Variants in MINK1 observed in about 807,000 individuals in gnomAD.
MINK1 encodes the protein misshapen like kinase 1.
Under a neutral mutation model 178.4 loss-of-function variants are expected in MINK1, and 46 were observed. The ratio of observed to expected loss-of-function variants is 0.26; its 90% CI spans 0.20 to 0.33. MINK1 has a LOEUF of 0.33. Among genes scored for constraint, MINK1 ranks in the 10% least tolerant of loss-of-function variants. MINK1 has a pLI of 1.00. For missense variants in MINK1, 1,366 were observed against 1,814.9 expected (o/e 0.75, Z 4.49); for synonymous variants, 797 against 709.7 (o/e 1.12, Z -1.96).
At position 4,891,063 on chromosome 17, in the gene MINK1, G is replaced by C. The variant is rs990605223; in HGVS notation, c.1679G>C (p.Gly560Ala). ...CCCCAGGCCTCCCCAGGGCCCCCAG[G>C]ACCCCTTTCCCAGACTCCTCCTATG... ...PIPQASPGPP[G>A]PLSQTPPMQR... The change falls in exon 15 of 32, where the codon GGA (glycine) becomes GCA (alanine). Residue 560 changes from glycine (G) to alanine (A), a missense_variant. Physicochemically the swap from Gly to Ala is moderately conservative, Grantham distance 60 (BLOSUM62 0). Coordinates refer to ENST00000355280, the MANE Select transcript of MINK1 (RefSeq NM_153827.5). The C allele has an allele frequency of 1.9e-6, 3 of 1,553,968 alleles. No homozygotes were observed. The African/African-American group carries it at 4.1e-5, about 21-fold the overall frequency.
chr17:4,896,969 G>C lies in MINK1; in HGVS notation c.3915+156G>C, dbSNP rs149374110. 6 of 1,099,324 alleles carry C rather than the reference G, an allele frequency of 5.5e-6. No homozygotes were observed. Among genetic ancestry groups the C allele is most frequent in the African/African-American group, 1.6e-5 (1 of 62,714 alleles). The allele number at this position is 1,099,324 out of a possible 1,614,324, so 68.1% of individuals were successfully genotyped here. A position where few individuals can be genotyped will look rare whatever the true frequency, so the allele number is the denominator to read the frequency against. The stretch of plus-strand genomic sequence containing the variant: ...CAGTCAGCCACTACCACTGCCCTGC[G>C]CTCCCTTCAGATTCCGAGGACTTCC... On this transcript the variant is annotated intron_variant, in intron 31 of 31. Transcript: ENST00000355280. This position sits in a 1 kb window ranked among gnomAD's most constrained non-coding sequence, Gnocchi z 4.6.
At chr17:4,891,375 C>G in intron 15 of MINK1, 81 bp from the exon 16 acceptor site, 1 of 1,482,040 alleles carries the variant, frequency 6.7e-7, no homozygotes, top group Non-Finnish European at 9.0e-7. Flanking sequence ...AGCTAAAGTC[C>G]TTTCCCACCC....
chr17:4,863,777 T>A lies in MINK1; in HGVS notation c.58-14540T>A, dbSNP rs987403272. Among the ~76,000 whole-genome samples the A allele has an allele frequency of 2.8e-5, 3 of 108,870 alleles. No homozygotes were observed. The Admixed American group carries it at 3.0e-4, about 11-fold the overall frequency. 71.4% of individuals were successfully genotyped at this position (108,870 alleles called of 152,430 possible). ...TGAAATGCTCAAAAATTGCTAGCTG[T>A]CTCATTATTATTATTATTATTATTA... On this transcript the variant is annotated intron_variant, in intron 1 of 31. Transcript: ENST00000355280.
Position 4,891,100 on chromosome 17 carries a change from G to A in MINK1, c.1716G>A (p.Val572=), listed in dbSNP as rs1340363457. 6.5e-7 allele frequency: 1 copy of A among 1,542,274 alleles called. No individual in the cohort carries two copies. Among genetic ancestry groups the A allele is most frequent in the Non-Finnish European group, 8.7e-7 (1 of 1,144,240 alleles). Residue 572 remains valine, a synonymous_variant, in exon 15 of 32, where the codon GTG becomes GTA. Transcript: ENST00000355280. ...LSQTPPMQRP[V]EPQEGPHKSL... is the part of the protein sequence containing the mutation. ...AGACTCCTCCTATGCAGAGGCCGGT[G>A]GAGCCCCAGGAGGGACCGCACAAGG...
chr17:4,839,104 T>C (rs920347837), intron 1 of MINK1, among the ~76,000 whole-genome samples: 24 of 152,270 alleles, frequency 1.6e-4, no homozygotes, highest in Middle Eastern at 6.8e-3. Flanking sequence ...CCACAATGCC[T>C]GGCTAATTTT....
chr17:4,834,819 C>T (rs765528620), intron 1 of MINK1: 1 of 520,066 alleles, frequency 1.9e-6, no homozygotes, highest in Admixed American at 1.9e-5. Context: ...TGTCTTCTGG[C>T]TTTTGAGTCA....
In MINK1 at chr17:4,894,058, C is replaced by A. The variant is rs544525710; in HGVS notation, c.2635C>A (p.Pro879Thr). Reference sequence around the variant, plus strand: ...CGTCGAGGAGATCACCGGGACCCAGCCCCCATACGGGGGCGGCACCATGGT... The same window carrying A: ...CGTCGAGGAGATCACCGGGACCCAGACCCCATACGGGGGCGGCACCATGGT... ...HDVEEITGTQ[P>T]PYGGGTMVVQ... Residue 879 changes from proline to threonine, a missense_variant, in exon 22 of 32, where the codon CCC becomes ACC. This residue lies in a region of MINK1 where 709 missense variants were observed against 692.3 expected (regional missense o/e 1.02). Transcript: ENST00000355280. The surrounding 1 kb of genome is among the most constrained non-coding windows in gnomAD (Gnocchi z 4.1). 16 of 1,588,904 alleles carry A rather than the reference C, an allele frequency of 1.0e-5. No homozygotes were observed. In the African/African-American group the frequency reaches 1.1e-4, roughly 11 times the overall value.
At position 4,892,139 on chromosome 17, in the gene MINK1, C is replaced by G. The variant is rs781305505; in HGVS notation, c.2002-10C>G. 12 of 1,586,076 alleles carry G rather than the reference C, an allele frequency of 7.6e-6. No individual in the cohort carries two copies. The highest frequency in any genetic ancestry group is 1.0e-5 in the Non-Finnish European group (12 of 1,166,486). Reference sequence around the variant, plus strand: ...GCGCCAGCTCGCAGCACGTGGACTTCTCTCCACAGGTGCCTCAGAGGACCT... The same window carrying G: ...GCGCCAGCTCGCAGCACGTGGACTTGTCTCCACAGGTGCCTCAGAGGACCT... On this transcript the variant is annotated splice_polypyrimidine_tract_variant and intron_variant, in intron 16 of 31. Coordinates refer to ENST00000355280, the MANE Select transcript of MINK1 (RefSeq NM_153827.5).
intron 1 of MINK1, among the ~76,000 whole-genome samples, chr17:4,873,903 A>G (rs1482325927): frequency 6.6e-6 from 1 of 152,050 alleles, no homozygotes; most frequent in African/African-American, 2.4e-5. Context: ...TACAGACATG[A>G]GCCATCACGC....
At chr17:4,844,757 G>A (rs1449044878) in intron 1 of MINK1, among the ~76,000 whole-genome samples, 1 of 152,174 alleles carries the variant, frequency 6.6e-6, no homozygotes, top group Non-Finnish European at 1.5e-5. Context: ...AAAGATAGTC[G>A]AATAATTCAA....
chr17:4,884,564 A>G (rs1195887339), intron 5 of MINK1, 91 bp downstream of exon 5: 29 of 943,190 alleles, frequency 3.1e-5, no homozygotes, highest in Non-Finnish European at 4.9e-5. Context: ...CTGGGAGGAG[A>G]CATCACTGCC....
At chr17:4,893,908 C>T (rs1969141788) in intron 21 of MINK1, 80 bp from the exon 22 acceptor site, 23 of 1,202,062 alleles carry the variant, frequency 1.9e-5, no homozygotes, top group Middle Eastern at 4.0e-4. Flanking sequence ...AAAGCCTGGG[C>T]TCTGGCTGCC....
Position 4,887,225 on chromosome 17 carries a change from T to A in MINK1, c.1019+46T>A. ...GGGGGTTGGGGCGGTCATCGCTGAG[T>A]GGGGGGACTACAGTGGTGCTTGGCT... On this transcript the variant is annotated intron_variant, in intron 11 of 31. Coordinates refer to ENST00000355280, the MANE Select transcript of MINK1 (RefSeq NM_153827.5). This position sits in a 1 kb window ranked among gnomAD's most constrained non-coding sequence, Gnocchi z 7.6. 6.6e-7 allele frequency: 1 copy of A among 1,521,766 alleles called. No individual in the cohort carries two copies. The highest frequency in any genetic ancestry group is 8.9e-7 in the Non-Finnish European group (1 of 1,118,746). 94.3% of individuals were successfully genotyped at this position (1,521,766 alleles called of 1,614,324 possible).
At chr17:4,893,938 T>G in intron 21 of MINK1, 50 bp from the exon 22 acceptor site, 1 of 1,449,556 alleles carries the variant, frequency 6.9e-7, no homozygotes. Flanking sequence ...CTTTGGCACT[T>G]CTGTGGCCAC....
intron 5 of MINK1, 46 bp from the exon 6 acceptor site, chr17:4,884,866 A>AC: frequency 6.4e-7 from 1 of 1,552,166 alleles, no homozygotes; most frequent in South Asian, 1.1e-5. Flanking sequence ...ACTCTTTCCT[A>AC]CCCCATCCAA....
At chr17:4,875,112 C>T in intron 1 of MINK1, 1 of 520,032 alleles carries the variant, frequency 1.9e-6, no homozygotes, top group Middle Eastern at 3.2e-4. Context: ...TTCAGACGCC[C>T]CGGAATGGAT....
chr17:4,867,990 A>C (rs1230046651), intron 1 of MINK1, among the ~76,000 whole-genome samples: 2 of 136,532 alleles, frequency 1.5e-5, no homozygotes, highest in African/African-American at 5.5e-5. Flanking sequence ...TTTTTTTAAT[A>C]TCTTTAGACA....
At position 4,896,921 on chromosome 17, in the gene MINK1, G is replaced by A. The variant is rs1273224455; in HGVS notation, c.3915+108G>A. 3.5e-6 allele frequency: 5 copies of A among 1,411,526 alleles called. No homozygotes were observed. Among genetic ancestry groups the A allele is most frequent in the Admixed American group, 2.8e-5 (1 of 35,312 alleles). The allele number at this position is 1,411,526 out of a possible 1,614,324, so 87.4% of individuals were successfully genotyped here. On this transcript the variant is annotated intron_variant, in intron 31 of 31. Transcript: ENST00000355280. The surrounding 1 kb of genome is among the most constrained non-coding windows in gnomAD (Gnocchi z 4.6). ...TGGTGGTGGTGGCTTCCTGAAAGCG[G>A]GCCCCTCTGGGAGCTCAGAGGGCAG...
intron 1 of MINK1, among the ~76,000 whole-genome samples, chr17:4,852,632 G>A (rs1484634294): frequency 6.7e-6 from 1 of 149,136 alleles, no homozygotes; most frequent in Non-Finnish European, 1.5e-5. Flanking sequence ...AAAGGCACCA[G>A]CATGAGAATT....
Sources: gnomAD v4.1 joint callset for allele counts (sites outside exome capture counted in the v4.1 genomes callset) on GRCh38, gnomAD v4.1.1 for gene constraint, gnomAD v4.1.1 regional missense constraint, Gnocchi (gnomAD v3.1) non-coding constraint, MANE v1.5 for transcripts, NCBI Gene and HGNC (gene_info 2026-07-23, HGNC 2026-07-21) for gene names.